Variants in KAT5 observed in about 807,000 individuals in gnomAD.
KAT5 encodes the protein lysine acetyltransferase 5.
KAT5 carries 31 observed loss-of-function variants against 68.1 expected under a neutral mutation model. The observed-to-expected ratio is 0.46, with a 90% CI of 0.34 to 0.61. KAT5 has a LOEUF of 0.61. Among genes scored for constraint, KAT5 ranks in the 20% least tolerant of loss-of-function variants. The pLI, the probability that KAT5 is intolerant of heterozygous loss-of-function variation, is 0.01. For synonymous variants in KAT5, 365 were observed against 292.6 expected (o/e 1.25, Z -2.52); for missense variants, 451 against 725.5 (o/e 0.62, Z 4.35).
rs768111705 is a variant in KAT5 at position 65,716,726 on chromosome 11, C to T, written c.1089C>T (p.Tyr363=). Residue 363 remains tyrosine, a synonymous_variant, in exon 9 of 13, where the codon TAC becomes TAT. Transcript: ENST00000341318. ...GTTTCCTTGACCATAAGACACTGTA[C>T]TATGACACAGACCCTTTCCTCTTCT... The part of the protein sequence containing the change: ...AKCFLDHKTL[Y]YDTDPFLFYV... 6 of 1,613,572 alleles carry T rather than the reference C, an allele frequency of 3.7e-6. No individual in the cohort carries two copies. The highest frequency in any genetic ancestry group is 1.7e-5 in the Admixed American group (1 of 60,018).
intron 3 of KAT5, 41 bp downstream of exon 3, chr11:65,713,099 T>G (rs776284768): frequency 1.6e-5 from 25 of 1,609,948 alleles, no homozygotes; most frequent in African/African-American, 2.7e-5. Context: ...TCCTGCCTCC[T>G]ATTTCTCTTG....
At chr11:65,715,168 G>T in intron 8 of KAT5, 1 of 498,504 alleles carries the variant, frequency 2.0e-6, no homozygotes. Flanking sequence ...AGGTTAGCAG[G>T]ACCCAAAGGA....
rs1857327755 is a variant in KAT5, at chr11:65,719,565, AC to A, written c.*388del. ...GCTGCAAAAATTTCTGGCTTCTCTT[AC>A]CCCTATTGCCCCCGGCAATAAATTG... On this transcript the variant is annotated 3_prime_UTR_variant, in exon 13 of 13. Coordinates refer to ENST00000341318, the MANE Select transcript of KAT5 (RefSeq NM_182710.3). 1.6e-6 allele frequency: 1 copy of A among 637,152 alleles called. No homozygotes were observed. Among genetic ancestry groups the A allele is most frequent in the African/African-American group, 1.8e-5 (1 of 54,368 alleles). 39.5% of individuals were successfully genotyped at this position (637,152 alleles called of 1,614,324 possible).
In KAT5 at chr11:65,719,229, G is replaced by C. The variant is rs1337004738; in HGVS notation, c.*48G>C. 2 of 1,599,158 alleles carry C rather than the reference G, an allele frequency of 1.3e-6. No homozygotes were observed. The highest frequency in any genetic ancestry group is 1.7e-6 in the Non-Finnish European group (2 of 1,172,638). On this transcript the variant is annotated 3_prime_UTR_variant, in exon 13 of 13. Coordinates refer to ENST00000341318, the MANE Select transcript of KAT5 (RefSeq NM_182710.3). ...CCAAGACGGCAGCAGGACTGGGGCT[G>C]ATAGCCCACCCCGCCCCCACTGCAG...
chr11:65,714,748 G>C lies in KAT5; in HGVS notation c.939+5G>C. 1 of 1,614,192 alleles carries C rather than the reference G, an allele frequency of 6.2e-7. No individual in the cohort carries two copies. ...AAGTGTCTTCAGCGTCATTTGGTATGAGGGGTCCAGGGAGGCTGCCTTCCC... is the reference window on the plus strand; with the variant it reads ...AAGTGTCTTCAGCGTCATTTGGTATCAGGGGTCCAGGGAGGCTGCCTTCCC... On this transcript the variant is annotated splice_donor_5th_base_variant and intron_variant, in intron 7 of 12. Coordinates refer to ENST00000341318, the MANE Select transcript of KAT5 (RefSeq NM_182710.3).
chr11:65,717,248 C>A (rs2236683), intron 10 of KAT5: 61,928 of 556,158 alleles, frequency 0.11, 4,042 homozygotes, highest in East Asian at 0.23. Context: ...GACTTACGTG[C>A]TCCTGCCTGG....
chr11:65,719,268 C>T lies in KAT5; in HGVS notation c.*87C>T. On this transcript the variant is annotated 3_prime_UTR_variant, in exon 13 of 13. Coordinates refer to ENST00000341318, the MANE Select transcript of KAT5 (RefSeq NM_182710.3). ...CCCCCACTGCAGCTCCCACAAAGCA[C>T]TCTAAGGGAGATGGGGCTGAGGACA... 6.7e-7 allele frequency: 1 copy of T among 1,484,046 alleles called. No homozygotes were observed. Among genetic ancestry groups the T allele is most frequent in the Non-Finnish European group, 9.2e-7 (1 of 1,088,604 alleles). 91.9% of individuals were successfully genotyped at this position (1,484,046 alleles called of 1,614,324 possible).
intron 1 of KAT5, 44 bp downstream of exon 1, chr11:65,712,489 G>A: frequency 6.4e-7 from 1 of 1,568,416 alleles, no homozygotes; most frequent in Non-Finnish European, 8.6e-7. Context: ...TGAGGGCGAG[G>A]GGCGGGAGTC....
chr11:65,713,280 C>T (rs558092715), intron 3 of KAT5, 68 bp from the exon 4 acceptor site: 5 of 1,514,682 alleles, frequency 3.3e-6, no homozygotes, highest in East Asian at 4.5e-5. Context: ...GGTGAGGGAC[C>T]CCTCTTCCCC....
chr11:65,713,045 C>CAG lies in KAT5; in HGVS notation c.380_381dup (p.Val128ArgfsTer119). The CAG allele has an allele frequency of 6.2e-7, 1 of 1,613,058 alleles. No homozygotes were observed. Among genetic ancestry groups the CAG allele is most frequent in the Non-Finnish European group, 8.5e-7 (1 of 1,179,994 alleles). On this transcript the variant is annotated frameshift_variant, in exon 3 of 13. Coordinates refer to ENST00000341318, the MANE Select transcript of KAT5 (RefSeq NM_182710.3). LOFTEE classifies it high-confidence loss of function. ...CTTCCTGGGTCCCGTCCTGGCTCTC[C>CAG]AGAGAGAGAGGTGGTGAGTAGGTCC...
At chr11:65,718,558 C>T (rs542132990) in intron 10 of KAT5, 32 bp from the exon 11 acceptor site, 1 of 1,600,468 alleles carries the variant, frequency 6.2e-7, no homozygotes, top group Admixed American at 1.7e-5. Flanking sequence ...TCTGTGACCT[C>T]TTACTCACCC....
At chr11:65,712,681 G>A in intron 1 of KAT5, 85 bp from the exon 2 acceptor site, 2 of 1,504,770 alleles carry the variant, frequency 1.3e-6, no homozygotes, top group East Asian at 4.5e-5. Context: ...TTAGGGATCC[G>A]GCCTGGGGGT....
At chr11:65,718,371 C>A (rs1002184159) in intron 10 of KAT5, 47 of 529,150 alleles carry the variant, frequency 8.9e-5, no homozygotes, top group Non-Finnish European at 1.4e-4. Context: ...CTGCTCCTCT[C>A]AGTGCCCTCA....
chr11:65,719,500 T>G lies in KAT5; in HGVS notation c.*319T>G. The G allele has an allele frequency of 1.6e-6, 1 of 610,428 alleles. No individual in the cohort carries two copies. The highest frequency in any genetic ancestry group is 2.9e-6 in the Non-Finnish European group (1 of 346,660). 37.8% of individuals were successfully genotyped at this position (610,428 alleles called of 1,614,324 possible). ...ACAGAGGGCTGGTGATTGTAAAAAT[T>G]TCTTTTGTAAAGTAGAAGTTGGGGG... On this transcript the variant is annotated 3_prime_UTR_variant, in exon 13 of 13. Transcript: ENST00000341318.
chr11:65,716,927 C>A lies in KAT5; in HGVS notation c.1209C>A (p.Ile403=), dbSNP rs1348606215. 2.5e-6 allele frequency: 4 copies of A among 1,614,178 alleles called. No individual in the cohort carries two copies. Among genetic ancestry groups the A allele is most frequent in the Middle Eastern group, 1.6e-4 (1 of 6,062 alleles). The change falls in exon 10 of 13, where the codon ATC becomes ATA. Residue 403 remains isoleucine, a synonymous_variant. Transcript: ENST00000341318. ...CGGAAGACTACAATGTGGCCTGCAT[C>A]CTAACCCTGCCTCCCTACCAGCGCC... ...ESTEDYNVAC[I]LTLPPYQRRG... is the part of the protein sequence containing the mutation.
At chr11:65,715,953 C>T (rs1409157949) in intron 8 of KAT5, 3 of 148,692 alleles carry the variant, frequency 2.0e-5, no homozygotes, top group Non-Finnish European at 4.4e-5. Context: ...GAAGTCAAGG[C>T]TGCAGTGACC....
chr11:65,716,369 G>C (rs1460627339), intron 8 of KAT5: 7 of 380,372 alleles, frequency 1.8e-5, no homozygotes, highest in Non-Finnish European at 4.8e-6. Context: ...AAAAGGCAGT[G>C]GTCTCTCCTG....
In KAT5 at chr11:65,713,583, C is replaced by T. The variant is rs772765922; in HGVS notation, c.541-10C>T. On this transcript the variant is annotated splice_polypyrimidine_tract_variant and intron_variant, in intron 4 of 12. Transcript: ENST00000341318. Reference sequence around the variant, plus strand: ...CCTTCTGACCCACCTTTGTTGGTTTCTCTCTGCAGAAACGGAAGGTGGAGG... The same window carrying T: ...CCTTCTGACCCACCTTTGTTGGTTTTTCTCTGCAGAAACGGAAGGTGGAGG... 3.5e-5 allele frequency: 56 copies of T among 1,614,110 alleles called. No homozygotes were observed. The highest frequency in any genetic ancestry group is 4.4e-5 in the Non-Finnish European group (52 of 1,180,052).
intron 8 of KAT5, 125 bp from the exon 9 acceptor site, chr11:65,716,542 G>C: frequency 2.2e-6 from 2 of 910,988 alleles, no homozygotes; most frequent in Non-Finnish European, 1.7e-6. Flanking sequence ...CCCAGCCAGG[G>C]AAGAACACTC....
Sources: gnomAD v4.1 joint callset for allele counts on GRCh38, gnomAD v4.1.1 for gene constraint, MANE v1.5 for transcripts, NCBI Gene and HGNC (gene_info 2026-07-23, HGNC 2026-07-21) for gene names.